MACROD2: variants seen among roughly 807,000 people sequenced by gnomAD.
MACROD2 encodes the protein mono-ADP ribosylhydrolase 2.
Under a neutral mutation model 70.4 loss-of-function variants are expected in MACROD2, and 36 were observed. That is an observed-to-expected ratio of 0.51 (90% CI 0.39 to 0.68). The LOEUF (loss-of-function observed/expected upper bound fraction) is 0.68, where lower values mean the gene tolerates loss of function less well. Among genes scored for constraint, MACROD2 ranks in the 30% least tolerant of loss-of-function variants. MACROD2 has a pLI of 0.00. For synonymous variants in MACROD2, 172 were observed against 178.8 expected (o/e 0.96, Z 0.30); for missense variants, 496 against 538.4 (o/e 0.92, Z 0.78).
chr20:15,961,873 A>G (rs1488003736), intron 12 of MACROD2, among the ~76,000 whole-genome samples: 1 of 152,184 alleles, frequency 6.6e-6, no homozygotes. Flanking sequence ...GCTTAGTAAG[A>G]GAGAGGGAGG....
chr20:14,821,073 C>T (rs2072838584), intron 5 of MACROD2, among the ~76,000 whole-genome samples: 1 of 152,078 alleles, frequency 6.6e-6, no homozygotes, highest in Non-Finnish European at 1.5e-5. Flanking sequence ...GGAAAATGTG[C>T]ATTGGCAGTT....
intron 3 of MACROD2, among the ~76,000 whole-genome samples, chr20:14,407,227 C>A (rs986878736): frequency 6.7e-6 from 1 of 150,216 alleles, no homozygotes; most frequent in Non-Finnish European, 1.5e-5. Context: ...TTTTTGTTTT[C>A]TCTTGGGGTT....
chr20:14,199,911 G>C (rs2081464862), intron 3 of MACROD2, among the ~76,000 whole-genome samples: 3 of 151,938 alleles, frequency 2.0e-5, no homozygotes. Flanking sequence ...AATTTGTGAT[G>C]GTTTACTTAC....
intron 15 of MACROD2, among the ~76,000 whole-genome samples, chr20:16,009,679 C>A (rs1180630348): frequency 6.6e-6 from 1 of 152,078 alleles, no homozygotes; most frequent in African/African-American, 2.4e-5. Context: ...ATCACTTGAA[C>A]CTGGGAGGTG....
At chr20:14,760,860 G>A (rs902489458) in intron 5 of MACROD2, among the ~76,000 whole-genome samples, 2 of 152,132 alleles carry the variant, frequency 1.3e-5, no homozygotes, top group South Asian at 2.1e-4. Context: ...GTTCAAAATC[G>A]AGCCCTGATT....
intron 5 of MACROD2, among the ~76,000 whole-genome samples, chr20:15,024,735 ACAAAACATTTTTT>A (rs1370547824): frequency 2.6e-5 from 4 of 152,176 alleles, no homozygotes. Flanking sequence ...TACCACTGAC[ACAAAACATTTTTT>A]CCATACTACT....
intron 8 of MACROD2, among the ~76,000 whole-genome samples, chr20:15,839,258 C>T (rs2064145978): frequency 6.6e-6 from 1 of 152,028 alleles, no homozygotes; most frequent in African/African-American, 2.4e-5. Context: ...ACAAGATTGC[C>T]CAAGTTCGTC....
At chr20:14,442,081 C>T (rs902189848) in intron 3 of MACROD2, among the ~76,000 whole-genome samples, 3 of 151,960 alleles carry the variant, frequency 2.0e-5, no homozygotes, top group Admixed American at 2.0e-4. Flanking sequence ...ACCAGCCTGG[C>T]CAACATGGCG....
intron 8 of MACROD2, among the ~76,000 whole-genome samples, chr20:15,615,496 C>T (rs1204144724): frequency 6.6e-6 from 1 of 152,036 alleles, no homozygotes; most frequent in African/African-American, 2.4e-5. Flanking sequence ...GAGGGACTCC[C>T]GTGGGGATGT....
chr20:14,852,007 C>T (rs1449469242), intron 5 of MACROD2, among the ~76,000 whole-genome samples: 1 of 152,074 alleles, frequency 6.6e-6, no homozygotes, highest in Non-Finnish European at 1.5e-5. Flanking sequence ...GGGGACATGT[C>T]AGAGAGTCAT....
chr20:15,645,691 G>C (rs1306599193), intron 8 of MACROD2, among the ~76,000 whole-genome samples: 2 of 152,160 alleles, frequency 1.3e-5, no homozygotes, highest in Non-Finnish European at 2.9e-5. Flanking sequence ...TCTTTCAAAA[G>C]TTAAAAAGAT....
At chr20:15,714,799 TAATA>T (rs57809878) in intron 8 of MACROD2, among the ~76,000 whole-genome samples, 2,225 of 152,286 alleles carry the variant, frequency 0.015, 50 homozygotes, top group African/African-American at 0.049. Flanking sequence ...TTATTCCTAC[TAATA>T]AATATGCATA....
intron 8 of MACROD2, among the ~76,000 whole-genome samples, chr20:15,611,944 T>G (rs1010182662): frequency 3.3e-5 from 5 of 149,402 alleles, no homozygotes; most frequent in African/African-American, 1.2e-4. Context: ...AGGTCAGGGC[T>G]TTTTTCTTGT....
At chr20:15,416,679 C>T (rs914670504) in intron 6 of MACROD2, among the ~76,000 whole-genome samples, 2 of 151,722 alleles carry the variant, frequency 1.3e-5, no homozygotes, top group African/African-American at 2.4e-5. Flanking sequence ...CCGAGGCAGT[C>T]GGATCACGAG....
intron 6 of MACROD2, among the ~76,000 whole-genome samples, chr20:15,284,052 A>T (rs549075754): frequency 2.0e-5 from 3 of 152,328 alleles, no homozygotes; most frequent in African/African-American, 7.2e-5. Flanking sequence ...TAATACTAAT[A>T]CAACACTGAA....
intron 5 of MACROD2, among the ~76,000 whole-genome samples, chr20:15,049,312 G>T (rs1460843542): frequency 6.6e-6 from 1 of 151,834 alleles, no homozygotes; most frequent in African/African-American, 2.4e-5. Context: ...AGAAAGAGAA[G>T]AGGGAGGGAG....
intron 5 of MACROD2, among the ~76,000 whole-genome samples, chr20:15,045,758 C>A (rs1261321833): frequency 9.5e-6 from 1 of 105,792 alleles, no homozygotes; most frequent in Non-Finnish European, 1.8e-5. Context: ...TTTCTGATAA[C>A]ACACCACACT....
At chr20:14,250,835 T>C (rs1319971060) in intron 3 of MACROD2, among the ~76,000 whole-genome samples, 3 of 152,098 alleles carry the variant, frequency 2.0e-5, no homozygotes, top group African/African-American at 7.2e-5. Flanking sequence ...CAATAATAGG[T>C]ATAACTGAAA....
chr20:14,969,296 G>A (rs1170486534), intron 5 of MACROD2, among the ~76,000 whole-genome samples: 4 of 149,686 alleles, frequency 2.7e-5, no homozygotes, highest in South Asian at 2.1e-4. Context: ...TATATCTTAC[G>A]ATTATTTTTT....
Sources: gnomAD v4.1 joint callset for allele counts (sites outside exome capture counted in the v4.1 genomes callset) on GRCh38, gnomAD v4.1.1 for gene constraint, MANE v1.5 for transcripts, NCBI Gene and HGNC (gene_info 2026-07-23, HGNC 2026-07-21) for gene names.